ASIC2: variants seen among roughly 807,000 people sequenced by gnomAD.
The protein encoded by ASIC2 is acid-sensing ion channel 2.
Under a neutral mutation model 57.3 loss-of-function variants are expected in ASIC2, and 25 were observed. The observed-to-expected ratio is 0.44, with a 90% confidence interval of 0.32 to 0.61. The LOEUF is 0.61. Among genes scored for constraint, ASIC2 ranks in the 20% least tolerant of loss-of-function variants. ASIC2 has a pLI of 0.06. For missense variants in ASIC2, 641 were observed against 738.1 expected, an observed-to-expected ratio of 0.87 and a Z score of 1.52; for synonymous variants, 319 against 307.5, an observed-to-expected ratio of 1.04 and a Z score of -0.39.
At chr17:34,025,547 C>G (rs1458669017) in intron 1 of ASIC2, among the ~76,000 whole-genome samples, 3 of 152,214 alleles carry the variant, frequency 2.0e-5, no homozygotes, top group Non-Finnish European at 2.9e-5. Context: ...TAGATTACCT[C>G]AAAGGTTTTC....
At chr17:33,784,857 G>C (rs117779663) in intron 1 of ASIC2, among the ~76,000 whole-genome samples, 278 of 152,242 alleles carry the variant, frequency 1.8e-3, no homozygotes, top group Non-Finnish European at 3.4e-3. Flanking sequence ...AAGTGTGCAG[G>C]ACCTTATGAC....
chr17:33,675,638 C>T (rs1907795445), intron 1 of ASIC2, among the ~76,000 whole-genome samples: 1 of 152,200 alleles, frequency 6.6e-6, no homozygotes, highest in African/African-American at 2.4e-5. Flanking sequence ...GTGGTGCAAT[C>T]AAGGCTCACT....
chr17:33,733,948 T>C (rs1909828493), intron 1 of ASIC2, among the ~76,000 whole-genome samples: 1 of 152,180 alleles, frequency 6.6e-6, no homozygotes, highest in Non-Finnish European at 1.5e-5. Flanking sequence ...CCCTTGGCAC[T>C]GCTGAACAAC....
intron 3 of ASIC2, chr17:33,052,939 AG>A (rs1212228327): frequency 1.3e-5 from 2 of 152,144 alleles, no homozygotes; most frequent in Non-Finnish European, 2.9e-5. Context: ...CTCTTTTACC[AG>A]TTGATAGCTA....
At chr17:33,662,403 T>A (rs1007475962) in intron 1 of ASIC2, among the ~76,000 whole-genome samples, 2 of 151,968 alleles carry the variant, frequency 1.3e-5, no homozygotes, top group African/African-American at 4.8e-5. Flanking sequence ...GACAGATCAC[T>A]TGAGGTCAGG....
intron 1 of ASIC2, among the ~76,000 whole-genome samples, chr17:33,505,639 A>G (rs1914225705): frequency 6.6e-6 from 1 of 152,218 alleles, no homozygotes; most frequent in Non-Finnish European, 1.5e-5. Flanking sequence ...GGCTTCTGCC[A>G]TATCCTCAGA....
At chr17:33,113,828 A>G (rs1213371290) in intron 1 of ASIC2, among the ~76,000 whole-genome samples, 2 of 152,218 alleles carry the variant, frequency 1.3e-5, no homozygotes, top group African/African-American at 4.8e-5. Context: ...CACAGCTAGT[A>G]GCAGAAAAAC....
chr17:33,854,534 G>A (rs1437585804), intron 1 of ASIC2, among the ~76,000 whole-genome samples: 7 of 152,228 alleles, frequency 4.6e-5, no homozygotes, highest in Admixed American at 4.6e-4. Flanking sequence ...GCATGTCTCT[G>A]CTCTGGCTAT....
chr17:33,114,712 G>A (rs906305756), intron 1 of ASIC2, among the ~76,000 whole-genome samples: 2 of 152,210 alleles, frequency 1.3e-5, no homozygotes, highest in African/African-American at 4.8e-5. Context: ...ATGACAAGGT[G>A]TAAGAATTGA....
intron 1 of ASIC2, among the ~76,000 whole-genome samples, chr17:33,268,361 CCA>C (rs1909556668): frequency 6.6e-6 from 1 of 151,270 alleles, no homozygotes; most frequent in Non-Finnish European, 1.5e-5. Context: ...ATCCATCCAT[CCA>C]TCCATCCATC....
intron 1 of ASIC2, among the ~76,000 whole-genome samples, chr17:33,912,956 C>T (rs1438956557): frequency 1.3e-5 from 2 of 151,696 alleles, no homozygotes; most frequent in Non-Finnish European, 2.9e-5. Context: ...CCAGCCTGGG[C>T]AACAAGAGCG....
intron 1 of ASIC2, among the ~76,000 whole-genome samples, chr17:33,643,562 A>T (rs1906648450): frequency 6.6e-6 from 1 of 152,216 alleles, no homozygotes; most frequent in South Asian, 2.1e-4. Context: ...GCATTAAGTT[A>T]TTGGGCCAGG....
intron 1 of ASIC2, among the ~76,000 whole-genome samples, chr17:33,455,837 A>G (rs1193535116): frequency 6.6e-6 from 1 of 152,222 alleles, no homozygotes; most frequent in South Asian, 2.1e-4. Flanking sequence ...CTACTTGCAT[A>G]TAATTGCTTA....
At chr17:33,490,632 T>A (rs1278032497) in intron 1 of ASIC2, among the ~76,000 whole-genome samples, 1 of 152,232 alleles carries the variant, frequency 6.6e-6, no homozygotes. Context: ...ATCTAAGATG[T>A]GACTTTGCTT....
intron 1 of ASIC2, among the ~76,000 whole-genome samples, chr17:33,696,994 G>A (rs1157734589): frequency 1.3e-5 from 2 of 152,114 alleles, no homozygotes; most frequent in East Asian, 1.9e-4. Flanking sequence ...GAATGGTTTT[G>A]CACCATTCCT....
At chr17:33,362,242 C>T (rs1278805370) in intron 1 of ASIC2, among the ~76,000 whole-genome samples, 4 of 152,190 alleles carry the variant, frequency 2.6e-5, no homozygotes, top group Non-Finnish European at 5.9e-5. Flanking sequence ...ATGTACTTGT[C>T]CCCATTTGAC....
intron 1 of ASIC2, among the ~76,000 whole-genome samples, chr17:33,882,362 C>T (rs1914722310): frequency 6.6e-6 from 1 of 152,152 alleles, no homozygotes; most frequent in Non-Finnish European, 1.5e-5. Flanking sequence ...ATCTACTCAT[C>T]TGACAAAGGG....
At chr17:33,209,327 A>G (rs1296723345) in intron 1 of ASIC2, among the ~76,000 whole-genome samples, 2 of 152,224 alleles carry the variant, frequency 1.3e-5, no homozygotes, top group African/African-American at 4.8e-5. Flanking sequence ...GAGCAAGTCT[A>G]TAGGTCAGCC....
chr17:33,494,940 C>A (rs905067249), intron 1 of ASIC2, among the ~76,000 whole-genome samples: 1 of 152,204 alleles, frequency 6.6e-6, no homozygotes. Flanking sequence ...GCTCCAGGGT[C>A]TCTCTCTATA....
Sources: gnomAD v4.1 joint callset for allele counts (sites outside exome capture counted in the v4.1 genomes callset) on GRCh38, gnomAD v4.1.1 for gene constraint, MANE v1.5 for transcripts, NCBI Gene and HGNC (gene_info 2026-07-23, HGNC 2026-07-21) for gene names.